The following KCNQ3 variants were observed in gnomAD, a reference collection of about 807,000 sequenced individuals.
KCNQ3 encodes the protein potassium voltage-gated channel subfamily KQT member 3.
A neutral mutation model predicts 92.5 loss-of-function variants in KCNQ3; 30 were observed. That is an observed-to-expected ratio of 0.32 (90% confidence interval 0.24 to 0.44). The LOEUF (loss-of-function observed/expected upper bound fraction) is 0.44, where lower values mean the gene tolerates loss of function less well. Ranked by LOEUF, KCNQ3 falls within the 20% of genes least tolerant of loss-of-function variation. The probability of loss-of-function intolerance (pLI) is 1.00; values close to 1 mark genes in which losing one functional copy is unlikely to be tolerated. For missense variants in KCNQ3, 913 were observed against 1,140.3 expected (o/e 0.80, Z 2.87); for synonymous variants, 450 against 468.8 (o/e 0.96, Z 0.52).
chr8:132,347,774 G>C (rs559388352), intron 1 of KCNQ3, among the ~76,000 whole-genome samples: 1 of 151,928 alleles, frequency 6.6e-6, no homozygotes, highest in African/African-American at 2.4e-5. Context: ...TCAGGAAATC[G>C]AGACCATCCT....
chr8:132,415,278 A>T (rs1451672271), intron 1 of KCNQ3, among the ~76,000 whole-genome samples: 1 of 152,108 alleles, frequency 6.6e-6, no homozygotes, highest in East Asian at 1.9e-4. Context: ...TGTAGCAGGC[A>T]TAAGGATTCA....
chr8:132,361,518 G>A (rs370139319), intron 1 of KCNQ3, among the ~76,000 whole-genome samples: 7 of 152,158 alleles, frequency 4.6e-5, no homozygotes, highest in South Asian at 2.1e-4. Context: ...TAGCAACCTC[G>A]TTTATCAGGC....
Position 132,122,265 on chromosome 8 carries a change from C to T in KCNQ3, c.*6997G>A, listed in dbSNP as rs1197783243. ...GGGGTTGCGATGAGGATTGCATGAA[C>T]TTTAGAGAGAGCTATCATGTCACAA... On this transcript the variant is annotated 3_prime_UTR_variant, in exon 15 of 15. Coordinates refer to ENST00000388996, the MANE Select transcript of KCNQ3 (RefSeq NM_004519.4). The T allele has an allele frequency of 6.6e-6, 1 of 152,176 alleles. No homozygotes were observed. The highest frequency in any genetic ancestry group is 2.4e-5 in the African/African-American group (1 of 41,442). 9.4% of individuals were successfully genotyped at this position (152,176 alleles called of 1,614,324 possible).
intron 1 of KCNQ3, among the ~76,000 whole-genome samples, chr8:132,455,777 T>C (rs538643165): frequency 1.3e-5 from 2 of 152,338 alleles, no homozygotes; most frequent in Admixed American, 6.5e-5. Flanking sequence ...AGTCTCGCTC[T>C]GTCGCCCAGG....
chr8:132,324,441 T>C (rs944136530), intron 1 of KCNQ3, among the ~76,000 whole-genome samples: 13 of 152,174 alleles, frequency 8.5e-5, no homozygotes, highest in Non-Finnish European at 1.5e-4. Context: ...AATAAACAAA[T>C]GGGCGAATGC....
intron 1 of KCNQ3, among the ~76,000 whole-genome samples, chr8:132,320,138 G>A (rs1468360453): frequency 6.6e-6 from 1 of 152,206 alleles, no homozygotes; most frequent in Non-Finnish European, 1.5e-5. Context: ...TATGTGGTTG[G>A]ATTTGTACAG....
chr8:132,207,844 A>G (rs958294917), intron 1 of KCNQ3, among the ~76,000 whole-genome samples: 2 of 150,588 alleles, frequency 1.3e-5, no homozygotes, highest in Admixed American at 1.3e-4. Flanking sequence ...ATTATTCTAG[A>G]CTTTTTTCTT....
chr8:132,193,418 A>G (rs908794991), intron 1 of KCNQ3, among the ~76,000 whole-genome samples: 1 of 152,228 alleles, frequency 6.6e-6, no homozygotes, highest in African/African-American at 2.4e-5. Flanking sequence ...GACAGGAACC[A>G]GTGCGAGCTG....
intron 1 of KCNQ3, among the ~76,000 whole-genome samples, chr8:132,206,279 A>G (rs1813654459): frequency 6.6e-6 from 1 of 152,162 alleles, no homozygotes; most frequent in Non-Finnish European, 1.5e-5. Context: ...GCTTTTCTTC[A>G]GCATTTCCCA....
chr8:132,280,416 A>G (rs2130525718), intron 1 of KCNQ3, among the ~76,000 whole-genome samples: 1 of 152,344 alleles, frequency 6.6e-6, no homozygotes, highest in East Asian at 1.9e-4. Flanking sequence ...AGGAGCAGGC[A>G]TCTCACATGG....
intron 1 of KCNQ3, among the ~76,000 whole-genome samples, chr8:132,362,893 T>A (rs1474157551): frequency 6.6e-6 from 1 of 152,042 alleles, no homozygotes; most frequent in Admixed American, 6.6e-5. Context: ...GAGGGCGGCG[T>A]GGGTTGTAAA....
At chr8:132,268,698 G>A (rs1816063460) in intron 1 of KCNQ3, among the ~76,000 whole-genome samples, 1 of 152,210 alleles carries the variant, frequency 6.6e-6, no homozygotes, top group Non-Finnish European at 1.5e-5. Context: ...ACATCCATGT[G>A]CAGGTTTTTG....
intron 1 of KCNQ3, among the ~76,000 whole-genome samples, chr8:132,363,226 G>C (rs117534398): frequency 0.016 from 2,485 of 152,260 alleles, 25 homozygotes; most frequent in Non-Finnish European, 0.025. Context: ...GAAGGATATT[G>C]GTAGATAAAA....
At chr8:132,308,017 AACAAGC>A (rs1817481431) in intron 1 of KCNQ3, among the ~76,000 whole-genome samples, 1 of 152,180 alleles carries the variant, frequency 6.6e-6, no homozygotes, top group African/African-American at 2.4e-5. Flanking sequence ...CTGTCCCAGA[AACAAGC>A]ACTAAAGCTT....
At chr8:132,180,834 T>TAAAAAAAAAAAAAA (rs1563791356) in intron 3 of KCNQ3, among the ~76,000 whole-genome samples, 1 of 29,964 alleles carries the variant, frequency 3.3e-5, no homozygotes, top group Non-Finnish European at 8.3e-5. Context: ...AGAGAGAATG[T>TAAAAAAAAAAAAAA]TAAAAAAAAA....
At chr8:132,459,751 T>A (rs1822020968) in intron 1 of KCNQ3, among the ~76,000 whole-genome samples, 2 of 151,114 alleles carry the variant, frequency 1.3e-5, no homozygotes, top group Admixed American at 6.6e-5. Flanking sequence ...TTTTTTTTTT[T>A]AATTCCCTTT....
chr8:132,261,367 T>C (rs1213431077), intron 1 of KCNQ3, among the ~76,000 whole-genome samples: 1 of 152,218 alleles, frequency 6.6e-6, no homozygotes, highest in East Asian at 1.9e-4. Context: ...GGCTCTGCAC[T>C]GCTAAATGAG....
intron 9 of KCNQ3, among the ~76,000 whole-genome samples, chr8:132,154,193 G>GTTTTTTGTTT (rs1825726713): frequency 3.6e-5 from 1 of 27,456 alleles, no homozygotes; most frequent in Non-Finnish European, 6.8e-5. Flanking sequence ...AAGGGTAAAA[G>GTTTTTTGTTT]TTTTTTTTTT....
intron 1 of KCNQ3, among the ~76,000 whole-genome samples, chr8:132,309,180 G>A (rs1817520091): frequency 6.6e-6 from 1 of 152,062 alleles, no homozygotes; most frequent in East Asian, 1.9e-4. Context: ...AACATCAGAC[G>A]CCAAGTTCTT....
Sources: allele counts gnomAD v4.1 joint callset (sites outside exome capture counted in the v4.1 genomes callset), GRCh38; gene constraint gnomAD v4.1.1; transcripts MANE v1.5; gene names NCBI Gene and HGNC (gene_info 2026-07-23, HGNC 2026-07-21).